ITGA11: variants seen among roughly 807,000 people sequenced by gnomAD.
ITGA11 encodes the protein integrin alpha-11.
Under a neutral mutation model 141.9 loss-of-function variants are expected in ITGA11, and 97 were observed. That is an observed-to-expected ratio of 0.68 (90% CI 0.58 to 0.81). The LOEUF is 0.81. ITGA11 is among the 30% of genes least tolerant of loss of function. The pLI, the probability that ITGA11 is intolerant of heterozygous loss-of-function variation, is 0.00. For synonymous variants in ITGA11, 658 were observed against 624.6 expected, an observed-to-expected ratio of 1.05 and a Z score of -0.80; for missense variants, 1,387 against 1,559.2, an observed-to-expected ratio of 0.89 and a Z score of 1.86.
intron 1 of ITGA11, among the ~76,000 whole-genome samples, chr15:68,404,314 T>A (rs1896587450): frequency 6.6e-6 from 1 of 152,160 alleles, no homozygotes. Context: ...CAGGGGCTTC[T>A]GCTTGGCCGG....
intron 2 of ITGA11, among the ~76,000 whole-genome samples, chr15:68,387,594 AG>A (rs1486353542): frequency 2.6e-5 from 4 of 152,198 alleles, no homozygotes; most frequent in Non-Finnish European, 5.9e-5. Flanking sequence ...CACACATGAC[AG>A]TAAAGCCTTG....
chr15:68,398,271 G>A (rs1351318928), intron 2 of ITGA11, among the ~76,000 whole-genome samples: 1 of 151,878 alleles, frequency 6.6e-6, no homozygotes, highest in East Asian at 1.9e-4. Flanking sequence ...CACGTGCAGA[G>A]ACACACATAG....
Position 68,328,042 on chromosome 15 carries a change from G to T in ITGA11, c.2068+54C>A, listed in dbSNP as rs1423119210. 3.9e-6 allele frequency: 6 copies of T among 1,541,674 alleles called. No homozygotes were observed. The highest frequency in any genetic ancestry group is 5.3e-6 in the Non-Finnish European group (6 of 1,136,036). ...AGCCCAGGCTTTGAAATAGAGCAAG[G>T]TGCAGGGGGAGACTGGAGTCTGGGG... On this transcript the variant is annotated intron_variant, in intron 16 of 29. Coordinates refer to ENST00000315757, the MANE Select transcript of ITGA11 (RefSeq NM_001004439.2). This position sits in a 1 kb window ranked among gnomAD's most constrained non-coding sequence, Gnocchi z 4.8.
chr15:68,313,992 G>T, intron 22 of ITGA11, 124 bp from the exon 23 acceptor site: 2 of 704,578 alleles, frequency 2.8e-6, no homozygotes, highest in Non-Finnish European at 2.5e-6. Context: ...CACCAGACAG[G>T]CCAGACAGGG....
chr15:68,345,671 G>C (rs1567137996), intron 10 of ITGA11, among the ~76,000 whole-genome samples: 1 of 152,244 alleles, frequency 6.6e-6, no homozygotes, highest in African/African-American at 2.4e-5. Flanking sequence ...GGCAGCAGCT[G>C]TTTGAGACCA....
chr15:68,356,127 G>C (rs1343478364), intron 7 of ITGA11, among the ~76,000 whole-genome samples: 1 of 151,972 alleles, frequency 6.6e-6, no homozygotes, highest in Non-Finnish European at 1.5e-5. Context: ...ACGGAGTCTT[G>C]CTCTGTTCAC....
chr15:68,429,195 G>T (rs1325608486), intron 1 of ITGA11, among the ~76,000 whole-genome samples: 1 of 152,154 alleles, frequency 6.6e-6, no homozygotes, highest in Non-Finnish European at 1.5e-5. Flanking sequence ...CCCCCACTTT[G>T]TAGGTGAGGA....
chr15:68,370,282 A>G (rs919700727), intron 2 of ITGA11, among the ~76,000 whole-genome samples: 3 of 151,922 alleles, frequency 2.0e-5, no homozygotes, highest in Admixed American at 1.3e-4. Flanking sequence ...GTGAGCAGCC[A>G]CTCCTTCCTG....
At chr15:68,373,281 G>T (rs1347821132) in intron 2 of ITGA11, among the ~76,000 whole-genome samples, 3 of 152,170 alleles carry the variant, frequency 2.0e-5, no homozygotes, top group African/African-American at 7.2e-5. Context: ...CTGCCCTACT[G>T]CACCAGAGTA....
chr15:68,316,421 G>A (rs1317808473), intron 21 of ITGA11, among the ~76,000 whole-genome samples: 3 of 152,226 alleles, frequency 2.0e-5, no homozygotes, highest in Non-Finnish European at 2.9e-5. Flanking sequence ...TCACCCTCAC[G>A]AGGTTTCCCA....
At chr15:68,387,679 T>C (rs1468296202) in intron 2 of ITGA11, among the ~76,000 whole-genome samples, 1 of 152,280 alleles carries the variant, frequency 6.6e-6, no homozygotes, top group East Asian at 1.9e-4. Context: ...GCTCCAATCC[T>C]GGTAGAGGCT....
chr15:68,419,943 C>T (rs1198159107), intron 1 of ITGA11, among the ~76,000 whole-genome samples: 1 of 152,146 alleles, frequency 6.6e-6, no homozygotes, highest in Non-Finnish European at 1.5e-5. Context: ...GTGTTGAAAC[C>T]TTATGTCAGT....
At chr15:68,345,070 GAA>G (rs1894701653) in intron 10 of ITGA11, among the ~76,000 whole-genome samples, 5 of 152,070 alleles carry the variant, frequency 3.3e-5, no homozygotes, top group Middle Eastern at 3.4e-3. Context: ...CTGGAGGTGT[GAA>G]TCCCTTCTCC....
At chr15:68,415,760 T>C (rs191656093) in intron 1 of ITGA11, among the ~76,000 whole-genome samples, 5 of 152,350 alleles carry the variant, frequency 3.3e-5, no homozygotes, top group Admixed American at 2.0e-4. Context: ...ATGTGTGTCA[T>C]GAGGGGCTGG....
At chr15:68,361,518 T>C (rs1445664256) in intron 5 of ITGA11, 72 bp downstream of exon 5, 11 of 981,946 alleles carry the variant, frequency 1.1e-5, no homozygotes, top group African/African-American at 1.6e-5. Context: ...CCACAGGTTG[T>C]TGTGCTCAGG....
chr15:68,357,117 TA>T (rs768867720), intron 7 of ITGA11, 33 bp downstream of exon 7: 4 of 1,601,710 alleles, frequency 2.5e-6, no homozygotes, highest in Middle Eastern at 1.7e-4. Context: ...ATCTGAGATC[TA>T]AAAAAATTTT....
rs542319836 is a variant in ITGA11, at chr15:68,328,460, G to A, written c.1902-198C>T. On this transcript the variant is annotated intron_variant, in intron 15 of 29. Coordinates refer to ENST00000315757, the MANE Select transcript of ITGA11 (RefSeq NM_001004439.2). This position sits in a 1 kb window ranked among gnomAD's most constrained non-coding sequence, Gnocchi z 4.8. ...GGACTGGCAAGAGCGAGCACGGGGC[G>A]AAAGGGGCTCAGCCACCTCATGGCC... Among the ~76,000 whole-genome samples the A allele has an allele frequency of 4.6e-5, 7 of 152,214 alleles. No individual in the cohort carries two copies. Among genetic ancestry groups the A allele is most frequent in the Non-Finnish European group, 1.0e-4 (7 of 67,996 alleles).
At chr15:68,362,201 T>G (rs770466819) in intron 4 of ITGA11, among the ~76,000 whole-genome samples, 18 of 152,230 alleles carry the variant, frequency 1.2e-4, no homozygotes, top group Non-Finnish European at 5.9e-5. Flanking sequence ...ATGTCTGTAT[T>G]CTTTCTGTGA....
At chr15:68,344,160 A>G (rs1461956589) in intron 10 of ITGA11, among the ~76,000 whole-genome samples, 2 of 152,108 alleles carry the variant, frequency 1.3e-5, no homozygotes, top group African/African-American at 4.8e-5. Context: ...GACAACTCGC[A>G]AACCCTTGGG....
Sources: gnomAD v4.1 joint callset for allele counts (sites outside exome capture counted in the v4.1 genomes callset) on GRCh38, gnomAD v4.1.1 for gene constraint, Gnocchi (gnomAD v3.1) non-coding constraint, MANE v1.5 for transcripts, NCBI Gene and HGNC (gene_info 2026-07-23, HGNC 2026-07-21) for gene names.